The following CPQ variants were observed in gnomAD, a reference collection of about 807,000 sequenced individuals.
CPQ encodes the protein carboxypeptidase Q.
In CPQ, 37 loss-of-function variants were observed where a neutral mutation model predicts 45.7. The observed-to-expected ratio is 0.81, with a 90% CI of 0.62 to 1.07. CPQ has a LOEUF of 1.07. Ranked by LOEUF, CPQ falls within the 50% of genes least tolerant of loss-of-function variation. The pLI is 0.00. For synonymous variants in CPQ, 186 were observed against 205.8 expected, an observed-to-expected ratio of 0.90 and a Z score of 0.82; for missense variants, 537 against 572.9, an observed-to-expected ratio of 0.94 and a Z score of 0.64.
chr8:96,834,807 G>T (rs1291111387), intron 2 of CPQ, among the ~76,000 whole-genome samples, 166 bp from the exon 3 acceptor site: 2 of 152,104 alleles, frequency 1.3e-5, no homozygotes, highest in Non-Finnish European at 2.9e-5. Flanking sequence ...TGGGAAGTTG[G>T]CTAACCCCAC....
chr8:97,078,763 T>TTCTCTCTCTCTCTC lies in CPQ; in HGVS notation c.1255+12584_1255+12597dup, dbSNP rs749278181. On this transcript the variant is annotated intron_variant, in intron 7 of 7. Transcript: ENST00000220763. ...ACTCTAAATATGATATCATTTCCAT[T>TTCTCTCTCTCTCTC]TCTCTCTCTCTCTCTCTCTCTCTCT... 2.3e-3 allele frequency among the ~76,000 whole-genome samples: 235 copies of TTCTCTCTCTCTCTC among 100,342 alleles called. 7 individuals are homozygous for TTCTCTCTCTCTCTC. Among genetic ancestry groups the TTCTCTCTCTCTCTC allele is most frequent in the Non-Finnish European group, 3.4e-3 (169 of 49,760 alleles). The allele number at this position is 100,342 out of a possible 152,430, so 65.8% of individuals were successfully genotyped here.
At position 96,746,385 on chromosome 8, in the gene CPQ, G is replaced by A. The variant is rs549499866; in HGVS notation, c.-34-38479G>A. ...TTTAGTAAATAGCCAGTATTTACTG[G>A]GAAGTGGGGAATTCATTGTCCTTTG... is the stretch of plus-strand genomic sequence containing the variant. On this transcript the variant is annotated intron_variant, in intron 1 of 7. Coordinates refer to ENST00000220763, the MANE Select transcript of CPQ (RefSeq NM_016134.4). 8.5e-5 allele frequency among the ~76,000 whole-genome samples: 13 copies of A among 152,222 alleles called. No individual in the cohort carries two copies. The South Asian group carries it at 2.7e-3, about 32-fold the overall frequency.
chr8:96,702,971 C>G (rs61355847), intron 1 of CPQ, among the ~76,000 whole-genome samples: 3,648 of 152,094 alleles, frequency 0.024, 159 homozygotes, highest in African/African-American at 0.083. Flanking sequence ...TGTTAGATAA[C>G]CTTCATTCAG....
At chr8:97,056,199 A>T (rs1457063061) in intron 6 of CPQ, among the ~76,000 whole-genome samples, 1 of 152,196 alleles carries the variant, frequency 6.6e-6, no homozygotes, top group African/African-American at 2.4e-5. Flanking sequence ...ACTAATACAC[A>T]ATTAGACATC....
intron 3 of CPQ, among the ~76,000 whole-genome samples, chr8:96,862,374 T>C (rs1473043864): frequency 6.6e-6 from 1 of 151,738 alleles, no homozygotes; most frequent in East Asian, 1.9e-4. Flanking sequence ...TTATAATCTA[T>C]GTAAACCTTC....
intron 6 of CPQ, among the ~76,000 whole-genome samples, chr8:97,043,706 T>C (rs1174390435): frequency 6.6e-6 from 1 of 152,198 alleles, no homozygotes; most frequent in African/African-American, 2.4e-5. Flanking sequence ...TCTCATTTGC[T>C]TGTCTGTAAA....
chr8:97,122,927 TAAATAAAATAAAATAAAATA>T (rs1313373275), intron 7 of CPQ, among the ~76,000 whole-genome samples: 2 of 38,886 alleles, frequency 5.1e-5, no homozygotes, highest in Non-Finnish European at 8.1e-5. Context: ...TAAAATAAAA[TAAATAAAATAAAATAAAATA>T]AAATAAAATA....
intron 1 of CPQ, among the ~76,000 whole-genome samples, chr8:96,731,655 G>T (rs1809914626): frequency 1.3e-5 from 2 of 152,074 alleles, no homozygotes; most frequent in Non-Finnish European, 2.9e-5. Context: ...GAGGGAACCA[G>T]GCAAAGTCCA....
chr8:96,854,836 G>C (rs1179595009), intron 3 of CPQ, among the ~76,000 whole-genome samples: 1 of 152,164 alleles, frequency 6.6e-6, no homozygotes, highest in Non-Finnish European at 1.5e-5. Flanking sequence ...GCAGACTGGA[G>C]ACCAAGGAAG....
chr8:96,950,844 T>C (rs1813253147), intron 4 of CPQ, among the ~76,000 whole-genome samples: 1 of 152,112 alleles, frequency 6.6e-6, no homozygotes, highest in East Asian at 1.9e-4. Context: ...CATTTTTAGA[T>C]ACACAAAAGA....
intron 2 of CPQ, among the ~76,000 whole-genome samples, chr8:96,813,506 A>G (rs1811185145): frequency 6.6e-6 from 1 of 152,124 alleles, no homozygotes; most frequent in Non-Finnish European, 1.5e-5. Context: ...ATATTCTGTG[A>G]GCTGATATAT....
chr8:96,919,477 A>C (rs754376133), intron 4 of CPQ, among the ~76,000 whole-genome samples: 1 of 152,102 alleles, frequency 6.6e-6, no homozygotes, highest in Non-Finnish European at 1.5e-5. Flanking sequence ...ACTTAAATCT[A>C]AGAATTTGCT....
chr8:97,020,094 A>T (rs1809651298), intron 5 of CPQ, among the ~76,000 whole-genome samples: 1 of 152,190 alleles, frequency 6.6e-6, no homozygotes, highest in Non-Finnish European at 1.5e-5. Flanking sequence ...CCAGGCAAAT[A>T]CATGGAAATT....
Position 96,699,228 on chromosome 8 carries a change from A to G in CPQ, c.-35+53826A>G, listed in dbSNP as rs143229515. Among the ~76,000 whole-genome samples the G allele has an allele frequency of 3.7e-3, 568 of 152,296 alleles. 2 individuals are homozygous for G. Among genetic ancestry groups the G allele is most frequent in the Non-Finnish European group, 5.7e-3 (388 of 68,008 alleles). On this transcript the variant is annotated intron_variant, in intron 1 of 7. Transcript: ENST00000220763. ...TTATGTTGAGTGAAACAAGCCAGGTACAGAAAGACAAACATCACATATTTC... is the reference window on the plus strand; with the variant it reads ...TTATGTTGAGTGAAACAAGCCAGGTGCAGAAAGACAAACATCACATATTTC...
intron 1 of CPQ, among the ~76,000 whole-genome samples, chr8:96,688,750 T>A (rs1809268094): frequency 6.6e-6 from 1 of 152,312 alleles, no homozygotes; most frequent in Non-Finnish European, 1.5e-5. Flanking sequence ...TTTTAAATGA[T>A]CTCTTTTGAT....
chr8:96,743,580 T>C (rs1303731816), intron 1 of CPQ, among the ~76,000 whole-genome samples: 1 of 151,924 alleles, frequency 6.6e-6, no homozygotes, highest in Non-Finnish European at 1.5e-5. Context: ...AGTTTTTCTG[T>C]TCTGTTTTTT....
intron 5 of CPQ, among the ~76,000 whole-genome samples, chr8:97,017,631 C>CCGGCTTT (rs1321892348): frequency 6.6e-6 from 1 of 152,020 alleles, no homozygotes; most frequent in African/African-American, 2.4e-5. Flanking sequence ...CCTGTGACTG[C>CCGGCTTT]CGGCTTTCCC....
chr8:97,030,568 G>A (rs571640998), intron 6 of CPQ, among the ~76,000 whole-genome samples: 13 of 152,220 alleles, frequency 8.5e-5, no homozygotes, highest in African/African-American at 3.1e-4. Flanking sequence ...CAAGACAAGT[G>A]TCCTTTGGTT....
chr8:96,858,089 G>C (rs1811873635), intron 3 of CPQ, among the ~76,000 whole-genome samples: 1 of 152,162 alleles, frequency 6.6e-6, no homozygotes, highest in Non-Finnish European at 1.5e-5. Context: ...GTAGTGTCTG[G>C]CTTCTGGGGA....
Sources: allele counts gnomAD v4.1 joint callset (sites outside exome capture counted in the v4.1 genomes callset), GRCh38; gene constraint gnomAD v4.1.1; transcripts MANE v1.5; gene names NCBI Gene and HGNC (gene_info 2026-07-23, HGNC 2026-07-21).